TTLL5: variants seen among roughly 807,000 people sequenced by gnomAD.
TTLL5 encodes tubulin polyglutamylase TTLL5.
Under a neutral mutation model 168.4 loss-of-function variants are expected in TTLL5, and 132 were observed. The observed-to-expected ratio is 0.78, with a 90% CI of 0.68 to 0.91. TTLL5 has a LOEUF of 0.91. TTLL5 is among the 40% of genes least tolerant of loss of function. The pLI, the probability that TTLL5 is intolerant of heterozygous loss-of-function variation, is 0.00. For synonymous variants in TTLL5, 546 were observed against 558.6 expected, an observed-to-expected ratio of 0.98 and a Z score of 0.32; for missense variants, 1,545 against 1,581.5, an observed-to-expected ratio of 0.98 and a Z score of 0.39.
intron 31 of TTLL5, among the ~76,000 whole-genome samples, chr14:75,903,908 A>G (rs533805481): frequency 3.3e-5 from 5 of 152,050 alleles, no homozygotes; most frequent in East Asian, 1.9e-4. Flanking sequence ...TTTAAAAAAA[A>G]AAAAAAAAGC....
chr14:75,752,004 C>G lies in TTLL5; in HGVS notation c.1488-889C>G, dbSNP rs368205868. On this transcript the variant is annotated intron_variant, in intron 17 of 31. Coordinates refer to ENST00000298832, the MANE Select transcript of TTLL5 (RefSeq NM_015072.5). ...CTCCTTTTTAGACCATGTAGGGTAACTTCTTGACATTGCCATGGCATTTGT... is the reference window on the plus strand; with the variant it reads ...CTCCTTTTTAGACCATGTAGGGTAAGTTCTTGACATTGCCATGGCATTTGT... Among the ~76,000 whole-genome samples the G allele has an allele frequency of 2.0e-4, 30 of 152,274 alleles. 1 individual carries two copies. The South Asian group carries it at 4.6e-3, about 23-fold the overall frequency.
In TTLL5 at chr14:75,739,216, G is replaced by A. The variant is rs149207129; in HGVS notation, c.1281+3927G>A. ...TTGTAATAGGCTTGTTGGAGAGCAA[G>A]ACCTCTCTTTAGTAGTAATGTATCT... On this transcript the variant is annotated intron_variant, in intron 15 of 31. Coordinates refer to ENST00000298832, the MANE Select transcript of TTLL5 (RefSeq NM_015072.5). Among the ~76,000 whole-genome samples, 1,039 of 152,182 alleles carry A rather than the reference G, an allele frequency of 6.8e-3. 8 individuals are homozygous for A. Among genetic ancestry groups the A allele is most frequent in the Non-Finnish European group, 0.011 (780 of 67,992 alleles).
At chr14:75,916,635 T>C (rs1372571045) in intron 31 of TTLL5, among the ~76,000 whole-genome samples, 1 of 152,120 alleles carries the variant, frequency 6.6e-6, no homozygotes, top group Non-Finnish European at 1.5e-5. Flanking sequence ...AGACTCTGTC[T>C]CAAAAAAACA....
At chr14:75,872,839 A>T (rs1438069730) in intron 29 of TTLL5, among the ~76,000 whole-genome samples, 1 of 149,000 alleles carries the variant, frequency 6.7e-6, no homozygotes, top group Non-Finnish European at 1.5e-5. Context: ...TGAACCCAGG[A>T]GGCGGAGGTT....
chr14:75,776,914 C>A, intron 23 of TTLL5, 64 bp downstream of exon 23: 1 of 1,282,208 alleles, frequency 7.8e-7, no homozygotes, highest in Non-Finnish European at 1.1e-6. Flanking sequence ...TCATTGAGTA[C>A]CCAGCATTCC....
intron 12 of TTLL5, among the ~76,000 whole-genome samples, chr14:75,727,400 G>A (rs894948698): frequency 9.9e-5 from 15 of 152,146 alleles, no homozygotes; most frequent in South Asian, 2.1e-4. Context: ...TAACAACATA[G>A]ATAAATCTCA....
At chr14:75,889,122 T>C (rs1352076934) in intron 30 of TTLL5, among the ~76,000 whole-genome samples, 1 of 152,144 alleles carries the variant, frequency 6.6e-6, no homozygotes, top group Non-Finnish European at 1.5e-5. Context: ...GGGCCTGCAG[T>C]CAGGGAGGAT....
intron 31 of TTLL5, among the ~76,000 whole-genome samples, chr14:75,929,237 C>T (rs529968156): frequency 3.9e-5 from 6 of 152,254 alleles, no homozygotes; most frequent in South Asian, 4.1e-4. Context: ...AACTGATTCT[C>T]ATCTCAGCTT....
intron 30 of TTLL5, among the ~76,000 whole-genome samples, chr14:75,888,983 C>G (rs1003508112): frequency 6.7e-6 from 1 of 149,922 alleles, no homozygotes. Context: ...GGCTTCTAAC[C>G]TCTGGAATGA....
At chr14:75,674,841 T>C (rs1302920320) in intron 3 of TTLL5, among the ~76,000 whole-genome samples, 1 of 152,104 alleles carries the variant, frequency 6.6e-6, no homozygotes, top group Non-Finnish European at 1.5e-5. Context: ...AACAGGTAGG[T>C]GAAATTAATT....
chr14:75,678,497 T>C (rs1464130632), intron 3 of TTLL5, among the ~76,000 whole-genome samples: 1 of 152,222 alleles, frequency 6.6e-6, no homozygotes, highest in Non-Finnish European at 1.5e-5. Flanking sequence ...TTTTTTGTTT[T>C]TCTATTCAGG....
At chr14:75,892,361 G>A (rs1256709765) in intron 30 of TTLL5, among the ~76,000 whole-genome samples, 1 of 152,232 alleles carries the variant, frequency 6.6e-6, no homozygotes, top group Non-Finnish European at 1.5e-5. Context: ...GAATGAAGCT[G>A]AAGCTACAGG....
At chr14:75,863,203 T>G (rs1279719966) in intron 28 of TTLL5, among the ~76,000 whole-genome samples, 1 of 152,224 alleles carries the variant, frequency 6.6e-6, no homozygotes, top group Non-Finnish European at 1.5e-5. Flanking sequence ...TTTAGATATT[T>G]AACTGATGGG....
At chr14:75,730,281 A>G (rs1284425628) in intron 12 of TTLL5, among the ~76,000 whole-genome samples, 2 of 152,208 alleles carry the variant, frequency 1.3e-5, no homozygotes, top group African/African-American at 4.8e-5. Flanking sequence ...TAAAGGGGCA[A>G]TATTCTAAAA....
chr14:75,938,359 A>T (rs1277062808), intron 31 of TTLL5, among the ~76,000 whole-genome samples: 6 of 152,120 alleles, frequency 3.9e-5, no homozygotes. Flanking sequence ...GGTTCAAAGG[A>T]TGGAGGAAAA....
chr14:75,954,245 T>TC (rs1167062613), intron 31 of TTLL5, among the ~76,000 whole-genome samples, 179 bp from the exon 32 acceptor site: 1 of 72,976 alleles, frequency 1.4e-5, no homozygotes, highest in Non-Finnish European at 2.4e-5. Flanking sequence ...AGAGTGAGAC[T>TC]CCATCTCAAA....
In TTLL5 at chr14:75,837,981, A is replaced by G. The variant is rs149774847; in HGVS notation, c.3326+17820A>G. Reference sequence around the variant, plus strand: ...TGGCTATTGTGAATAAACTGCTACAAACATGAGTGTACAAATATCTTTTCA... The same window carrying G: ...TGGCTATTGTGAATAAACTGCTACAGACATGAGTGTACAAATATCTTTTCA... On this transcript the variant is annotated intron_variant, in intron 28 of 31. Transcript: ENST00000298832. 3.3e-3 allele frequency among the ~76,000 whole-genome samples: 507 copies of G among 152,310 alleles called. 4 individuals are homozygous for G. The highest frequency in any genetic ancestry group is 0.011 in the African/African-American group (472 of 41,570).
intron 31 of TTLL5, among the ~76,000 whole-genome samples, chr14:75,937,162 G>A (rs2034458141): frequency 6.6e-6 from 1 of 151,636 alleles, no homozygotes; most frequent in African/African-American, 2.4e-5. Flanking sequence ...CTGTCACCAG[G>A]CTGGAGTGCA....
intron 14 of TTLL5, among the ~76,000 whole-genome samples, chr14:75,734,529 G>A (rs955576064): frequency 7.9e-5 from 12 of 152,100 alleles, no homozygotes; most frequent in African/African-American, 2.9e-4. Flanking sequence ...TATTTTGTGG[G>A]CTTGTTGGTT....
Sources: allele counts gnomAD v4.1 joint callset (sites outside exome capture counted in the v4.1 genomes callset), GRCh38; gene constraint gnomAD v4.1.1; transcripts MANE v1.5; gene names NCBI Gene and HGNC (gene_info 2026-07-23, HGNC 2026-07-21).